ZFHX3: variants seen among roughly 807,000 people sequenced by gnomAD.
The protein encoded by ZFHX3 is zinc finger homeobox 3.
A neutral mutation model predicts 279.1 loss-of-function variants in ZFHX3; 42 were observed. That is an observed-to-expected ratio of 0.15 (90% CI 0.12 to 0.19). ZFHX3 has a LOEUF of 0.19. Among genes scored for constraint, ZFHX3 ranks in the 10% least tolerant of loss-of-function variants. The probability of loss-of-function intolerance (pLI) is 1.00; values close to 1 mark genes in which losing one functional copy is unlikely to be tolerated. For missense variants in ZFHX3, 4,981 were observed against 4,754.0 expected, an observed-to-expected ratio of 1.05 and a Z score of -1.40; for synonymous variants, 2,293 against 1,957.8, an observed-to-expected ratio of 1.17 and a Z score of -4.52.
chr16:73,299,251 C>T (rs1326903977), intron 4 of ZFHX3, among the ~76,000 whole-genome samples: 6 of 152,036 alleles, frequency 3.9e-5, no homozygotes, highest in Non-Finnish European at 7.4e-5. Context: ...TTATAGCATC[C>T]GAACATTGCT....
At chr16:73,052,661 T>C (rs1196381890), upstream of ZFHX3, among the ~76,000 whole-genome samples, 3 of 152,180 alleles carry the variant, frequency 2.0e-5, no homozygotes, top group East Asian at 5.8e-4. Context: ...GCTGTTTCGT[T>C]TGTCTCTCTG....
chr16:72,834,889 T>C (rs1567539638), intron 4 of ZFHX3, among the ~76,000 whole-genome samples: 1 of 152,156 alleles, frequency 6.6e-6, no homozygotes, highest in Non-Finnish European at 1.5e-5. Flanking sequence ...GAATCACTTA[T>C]AAGCTTGAAG....
rs192465324 is a variant in ZFHX3 at position 73,143,763 on chromosome 16, C to T, written c.-1035G>A. On this transcript the variant is annotated 5_prime_UTR_variant, in exon 6 of 18. Coordinates refer to the ZFHX3 transcript ENST00000641206. ...AAGCTGGAACTCACCTCTCTAATTC[C>T]GGCAAAGCTGGACACCATCCAATAG... 5.2e-5 allele frequency: 68 copies of T among 1,305,556 alleles called. 1 individual carries two copies. The highest frequency in any genetic ancestry group is 2.8e-4 in the East Asian group (5 of 18,018). 80.9% of individuals were successfully genotyped at this position (1,305,556 alleles called of 1,614,324 possible).
chr16:73,217,028 A>T (rs1406088013), intron 5 of ZFHX3, among the ~76,000 whole-genome samples: 3 of 152,188 alleles, frequency 2.0e-5, no homozygotes, highest in Admixed American at 1.3e-4. Context: ...ACCCACTGCC[A>T]TTGCCCAAAT....
intron 1 of ZFHX3, among the ~76,000 whole-genome samples, chr16:73,732,810 G>T (rs935175372): frequency 6.6e-6 from 1 of 152,166 alleles, no homozygotes; most frequent in African/African-American, 2.4e-5. Flanking sequence ...AGCTCCAGTG[G>T]TCTATGGTGG....
At chr16:73,419,025 C>G (rs16971933) in intron 3 of ZFHX3, among the ~76,000 whole-genome samples, 8,415 of 152,156 alleles carry the variant, frequency 0.055, 605 homozygotes, top group African/African-American at 0.16. Context: ...ACACTCAGCT[C>G]TAGAGTAAAC....
intron 5 of ZFHX3, chr16:72,822,101 A>G (rs895004938): frequency 6.6e-6 from 1 of 152,244 alleles, no homozygotes; most frequent in Non-Finnish European, 1.5e-5. Flanking sequence ...AGCAGAAAGT[A>G]GAATAACTTG....
intron 5 of ZFHX3, among the ~76,000 whole-genome samples, chr16:73,160,828 A>T (rs775348230): frequency 2.8e-5 from 4 of 144,020 alleles, no homozygotes; most frequent in African/African-American, 5.2e-5. Context: ...TTTCCTTTAG[A>T]GGTACATAAT....
chr16:73,239,544 C>T (rs1183098154), intron 5 of ZFHX3, among the ~76,000 whole-genome samples: 6 of 152,184 alleles, frequency 3.9e-5, no homozygotes. Context: ...AGGTTTGCCA[C>T]CCTAAGCCCA....
intron 3 of ZFHX3, among the ~76,000 whole-genome samples, chr16:73,339,710 C>T (rs1189121972): frequency 6.6e-6 from 1 of 152,152 alleles, no homozygotes; most frequent in Non-Finnish European, 1.5e-5. Context: ...AATATTTATC[C>T]TGGCAGGATG....
At chr16:73,733,704 G>A (rs2053587320) in intron 1 of ZFHX3, among the ~76,000 whole-genome samples, 1 of 151,992 alleles carries the variant, frequency 6.6e-6, no homozygotes, top group Admixed American at 6.6e-5. Context: ...GTTGCGTTTT[G>A]TTCAACATTA....
At chr16:73,769,951 A>C (rs946774205) in intron 1 of ZFHX3, among the ~76,000 whole-genome samples, 6 of 152,224 alleles carry the variant, frequency 3.9e-5, no homozygotes, top group African/African-American at 1.4e-4. Context: ...GTGATATTAC[A>C]TTGTTTATTA....
At chr16:72,923,855 T>C (rs1033671460) in intron 3 of ZFHX3, among the ~76,000 whole-genome samples, 3 of 152,224 alleles carry the variant, frequency 2.0e-5, no homozygotes, top group African/African-American at 7.2e-5. Flanking sequence ...CTACTTTGAA[T>C]TGCCTCGTCC....
chr16:72,828,408 C>T (rs1041405826), intron 5 of ZFHX3, among the ~76,000 whole-genome samples: 31 of 152,342 alleles, frequency 2.0e-4, no homozygotes, highest in Admixed American at 1.7e-3. Context: ...TCTTCTTCCC[C>T]TCAACATAGA....
chr16:73,142,254 C>A (rs539101409), intron 6 of ZFHX3, among the ~76,000 whole-genome samples: 1 of 152,338 alleles, frequency 6.6e-6, no homozygotes, highest in African/African-American at 2.4e-5. Context: ...CTCTCCTGGG[C>A]AGGTTGCCTT....
intron 5 of ZFHX3, among the ~76,000 whole-genome samples, chr16:73,190,394 G>C (rs1239161445): frequency 6.6e-6 from 1 of 152,214 alleles, no homozygotes; most frequent in Non-Finnish European, 1.5e-5. Flanking sequence ...GGCACTAGGA[G>C]TTTCCAAGTT....
intron 1 of ZFHX3, among the ~76,000 whole-genome samples, chr16:73,787,508 T>A (rs554206341): frequency 6.6e-6 from 1 of 152,322 alleles, no homozygotes; most frequent in Admixed American, 6.5e-5. Context: ...CCTGGTTGCA[T>A]CCTCTCTAAA....
intron 1 of ZFHX3, among the ~76,000 whole-genome samples, chr16:73,801,548 C>A (rs144547764): frequency 6.6e-6 from 1 of 152,294 alleles, no homozygotes; most frequent in East Asian, 1.9e-4. Flanking sequence ...ATTTGAGTTT[C>A]GACACTGCTG....
At chr16:73,792,856 A>ACAC (rs1959869319) in intron 1 of ZFHX3, among the ~76,000 whole-genome samples, 2 of 135,098 alleles carry the variant, frequency 1.5e-5, no homozygotes, top group Non-Finnish European at 3.1e-5. Context: ...CATACAGTGC[A>ACAC]CCCCCCCCCT....
Sources: allele counts gnomAD v4.1 joint callset (sites outside exome capture counted in the v4.1 genomes callset), GRCh38; gene constraint gnomAD v4.1.1; transcripts MANE v1.5; gene names NCBI Gene and HGNC (gene_info 2026-07-23, HGNC 2026-07-21).